The following GPR158 variants were observed in gnomAD, a reference collection of about 807,000 sequenced individuals.
GPR158 encodes G protein-coupled receptor 158.
GPR158 carries 30 observed loss-of-function variants against 78.2 expected under a neutral mutation model. That is an observed-to-expected ratio of 0.38 (90% CI 0.29 to 0.52). GPR158 has a LOEUF of 0.52. GPR158 is among the 20% of genes least tolerant of loss of function. GPR158 has a pLI of 0.83. For missense variants in GPR158, 1,463 were observed against 1,523.5 expected, an observed-to-expected ratio of 0.96 and a Z score of 0.66; for synonymous variants, 581 against 591.1, an observed-to-expected ratio of 0.98 and a Z score of 0.25.
At chr10:25,310,040 C>T (rs970168427) in intron 2 of GPR158, among the ~76,000 whole-genome samples, 10 of 152,092 alleles carry the variant, frequency 6.6e-5, no homozygotes, top group African/African-American at 1.9e-4. Flanking sequence ...TTCACACTTA[C>T]GTTTAAGTCT....
chr10:25,548,797 A>G (rs907302895), intron 5 of GPR158, among the ~76,000 whole-genome samples: 1 of 152,172 alleles, frequency 6.6e-6, no homozygotes, highest in African/African-American at 2.4e-5. Context: ...TTCATTTCTT[A>G]TTATTTTAAA....
intron 6 of GPR158, among the ~76,000 whole-genome samples, chr10:25,552,212 G>T (rs146741984): frequency 6.6e-6 from 1 of 152,052 alleles, no homozygotes; most frequent in African/African-American, 2.4e-5. Flanking sequence ...TAAATCATAG[G>T]CTTCTGTTTC....
intron 2 of GPR158, among the ~76,000 whole-genome samples, chr10:25,242,321 TATTA>T (rs1473261880): frequency 2.6e-5 from 4 of 152,228 alleles, no homozygotes; most frequent in South Asian, 2.1e-4. Flanking sequence ...AAAAGCTGGT[TATTA>T]ATTTCATAGA....
At chr10:25,486,066 A>G (rs1297684352) in intron 5 of GPR158, among the ~76,000 whole-genome samples, 1 of 152,096 alleles carries the variant, frequency 6.6e-6, no homozygotes, top group African/African-American at 2.4e-5. Flanking sequence ...GGATCCCTTG[A>G]TCTTCCCAGC....
chr10:25,338,605 T>TATAATACATATTATATATATTATTATAC (rs1855259903), intron 2 of GPR158, among the ~76,000 whole-genome samples: 1 of 146,352 alleles, frequency 6.8e-6, no homozygotes, highest in Non-Finnish European at 1.5e-5. Context: ...TATTATTATA[T>TATAATACATATTATATATATTATTATAC]ATAAAAAATC....
chr10:25,598,101 A>G lies in GPR158; in HGVS notation c.2475A>G (p.Arg825=). The G allele has an allele frequency of 1.2e-6, 2 of 1,614,118 alleles. No individual in the cohort carries two copies. Among genetic ancestry groups the G allele is most frequent in the East Asian group, 4.5e-5 (2 of 44,874 alleles). Residue 825 remains arginine, a synonymous_variant, in exon 11 of 11, where the codon AGA becomes AGG. Transcript: ENST00000376351. The part of the protein sequence containing the change: ...KKSHSTYDHV[R]DQTEESSSLP... ...CCCACAGCACTTATGACCACGTGAG[A>G]GACCAAACGGAAGAGTCCAGTAGCC... is the stretch of plus-strand genomic sequence containing the variant.
At chr10:25,228,892 G>C (rs367573529) in intron 2 of GPR158, among the ~76,000 whole-genome samples, 5 of 152,046 alleles carry the variant, frequency 3.3e-5, no homozygotes, top group Admixed American at 1.3e-4. Context: ...AAAATTATTC[G>C]GTTGTGGTGG....
At chr10:25,316,902 T>TAC (rs1854860941) in intron 2 of GPR158, among the ~76,000 whole-genome samples, 1 of 103,890 alleles carries the variant, frequency 9.6e-6, no homozygotes, top group African/African-American at 6.5e-5. Context: ...TGTGTGTGTG[T>TAC]GTGTGTGTTT....
At chr10:25,314,832 C>T (rs1044601452) in intron 2 of GPR158, among the ~76,000 whole-genome samples, 3 of 131,048 alleles carry the variant, frequency 2.3e-5, no homozygotes, top group Non-Finnish European at 4.7e-5. Flanking sequence ...TTTAGTCATA[C>T]ATATACACGT....
At chr10:25,472,686 G>C (rs994120721) in intron 5 of GPR158, among the ~76,000 whole-genome samples, 3 of 152,170 alleles carry the variant, frequency 2.0e-5, no homozygotes, top group Non-Finnish European at 2.9e-5. Context: ...CACATCCCTT[G>C]TAAGTTGGAT....
intron 2 of GPR158, among the ~76,000 whole-genome samples, chr10:25,362,594 C>A (rs1224615577): frequency 2.0e-5 from 3 of 151,790 alleles, no homozygotes; most frequent in Admixed American, 2.0e-4. Context: ...GGATGGTTTT[C>A]ATTTATCTGT....
chr10:25,389,459 T>C (rs1169593980), intron 2 of GPR158, among the ~76,000 whole-genome samples: 1 of 152,060 alleles, frequency 6.6e-6, no homozygotes, highest in Non-Finnish European at 1.5e-5. Flanking sequence ...AGCTGAACAC[T>C]CGTTGGAACA....
chr10:25,521,574 G>C lies in GPR158; in HGVS notation c.1405-29402G>C, dbSNP rs146426479. Among the ~76,000 whole-genome samples the C allele has an allele frequency of 1.6e-3, 248 of 152,306 alleles. 3 individuals carry two copies. Among genetic ancestry groups the C allele is most frequent in the African/African-American group, 5.8e-3 (239 of 41,564 alleles). On this transcript the variant is annotated intron_variant, in intron 5 of 10. Coordinates refer to ENST00000376351, the MANE Select transcript of GPR158 (RefSeq NM_020752.3). ...GTTTGGATCCATTGCTGGTGAGCCA[G>C]TGTGATCTTTTGGGGGCATTAAAGA... is the stretch of plus-strand genomic sequence containing the variant.
chr10:25,451,070 T>A (rs1378811791), intron 4 of GPR158, among the ~76,000 whole-genome samples: 4 of 152,226 alleles, frequency 2.6e-5, no homozygotes, highest in Admixed American at 1.3e-4. Flanking sequence ...TCCAACTGTT[T>A]CAACTTTTTC....
chr10:25,540,004 C>T (rs1221514648), intron 5 of GPR158, among the ~76,000 whole-genome samples: 3 of 152,162 alleles, frequency 2.0e-5, no homozygotes, highest in East Asian at 3.8e-4. Context: ...TCAGAGTGAA[C>T]AGGCAACCTA....
intron 6 of GPR158, among the ~76,000 whole-genome samples, chr10:25,558,339 G>A (rs576858822): frequency 7.9e-5 from 12 of 152,260 alleles, no homozygotes; most frequent in South Asian, 2.1e-4. Context: ...AATATTCTTC[G>A]TTAGCAACTC....
At chr10:25,400,904 T>C (rs1185778437) in intron 3 of GPR158, among the ~76,000 whole-genome samples, 4 of 152,112 alleles carry the variant, frequency 2.6e-5, no homozygotes, top group Non-Finnish European at 5.9e-5. Context: ...TATGAGAAGA[T>C]GCGACGGGAG....
intron 4 of GPR158, among the ~76,000 whole-genome samples, chr10:25,455,470 A>T (rs1835278310): frequency 1.3e-5 from 2 of 152,076 alleles, no homozygotes; most frequent in Admixed American, 1.3e-4. Context: ...TTCTGTATGT[A>T]TTTAATTATT....
chr10:25,257,036 A>C (rs1277182290), intron 2 of GPR158, among the ~76,000 whole-genome samples: 1 of 152,236 alleles, frequency 6.6e-6, no homozygotes, highest in Non-Finnish European at 1.5e-5. Flanking sequence ...GCTGTAACAG[A>C]ATACCACAGA....
Sources: gnomAD v4.1 joint callset for allele counts (sites outside exome capture counted in the v4.1 genomes callset) on GRCh38, gnomAD v4.1.1 for gene constraint, MANE v1.5 for transcripts, NCBI Gene and HGNC (gene_info 2026-07-23, HGNC 2026-07-21) for gene names.